The following TASP1 variants were observed in gnomAD, a reference collection of about 807,000 sequenced individuals.
TASP1 encodes threonine aspartase 1.
Under a neutral mutation model 56.6 loss-of-function variants are expected in TASP1, and 16 were observed. The observed-to-expected ratio is 0.28, with a 90% confidence interval of 0.19 to 0.43. The LOEUF (loss-of-function observed/expected upper bound fraction) is 0.43, where lower values mean the gene tolerates loss of function less well. Ranked by LOEUF, TASP1 falls within the 20% of genes least tolerant of loss-of-function variation. The pLI, the probability that TASP1 is intolerant of heterozygous loss-of-function variation, is 1.00. For synonymous variants in TASP1, 179 were observed against 184.2 expected, an observed-to-expected ratio of 0.97 and a Z score of 0.23; for missense variants, 393 against 511.6, an observed-to-expected ratio of 0.77 and a Z score of 2.24.
At chr20:13,127,687 C>T in the TASP1 span, among the ~76,000 whole-genome samples, 2 of 152,134 alleles carry the variant, frequency 1.3e-5, no homozygotes, top group African/African-American at 2.4e-5. Context: ...CCCCTGGGGC[C>T]CTTCTACTGA....
chr20:13,184,262 C>T, the TASP1 span, among the ~76,000 whole-genome samples: 1 of 151,958 alleles, frequency 6.6e-6, no homozygotes, highest in Admixed American at 6.6e-5. Flanking sequence ...TACAAATAAG[C>T]CCAGGTACCT....
the TASP1 span, chr20:13,117,559 A>ACCTCTATT: frequency 1.2e-6 from 2 of 1,612,418 alleles, no homozygotes; most frequent in Admixed American, 3.4e-5. Flanking sequence ...AAGAAGAAAT[A>ACCTCTATT]CAAGGCTTAC....
chr20:13,562,861 C>G (rs2046387676), intron 7 of TASP1, among the ~76,000 whole-genome samples: 1 of 135,898 alleles, frequency 7.4e-6, no homozygotes, highest in Non-Finnish European at 1.6e-5. Flanking sequence ...TGGTCAAGAG[C>G]AAGACCTTGT....
intron 9 of TASP1, among the ~76,000 whole-genome samples, chr20:13,529,947 T>A (rs2045153130): frequency 6.6e-6 from 1 of 152,156 alleles, no homozygotes; most frequent in Non-Finnish European, 1.5e-5. Context: ...TACGGACACT[T>A]CCCATTGGTA....
chr20:13,433,856 A>AAAAAAAAC (rs965025966), intron 12 of TASP1, among the ~76,000 whole-genome samples: 1 of 151,714 alleles, frequency 6.6e-6, no homozygotes, highest in African/African-American at 2.4e-5. Context: ...AAAAAAAAAA[A>AAAAAAAAC]AAAACAGAAG....
At chr20:13,126,339 C>T in the TASP1 span, among the ~76,000 whole-genome samples, 1 of 152,170 alleles carries the variant, frequency 6.6e-6, no homozygotes, top group Non-Finnish European at 1.5e-5. Context: ...TCTGGTTTTG[C>T]CTTAAAGTTC....
At chr20:13,132,753 C>G in the TASP1 span, 3 of 152,244 alleles carry the variant, frequency 2.0e-5, no homozygotes, top group Admixed American at 2.0e-4. Flanking sequence ...AAGACACCAG[C>G]CTCTTTTCAC....
chr20:13,459,678 G>A (rs1186417243), intron 11 of TASP1, among the ~76,000 whole-genome samples: 1 of 151,888 alleles, frequency 6.6e-6, no homozygotes, highest in Non-Finnish European at 1.5e-5. Context: ...CTCCTCCATG[G>A]GAACTCTGCT....
chr20:13,228,571 A>AT, the TASP1 span, among the ~76,000 whole-genome samples: 7 of 151,618 alleles, frequency 4.6e-5, no homozygotes, highest in Admixed American at 2.6e-4. Context: ...TGCTTTTATG[A>AT]TTTTTTTCCT....
At chr20:13,126,507 G>T in the TASP1 span, 5 of 1,517,694 alleles carry the variant, frequency 3.3e-6, no homozygotes, top group Admixed American at 1.9e-5. Flanking sequence ...TTGCTATGAG[G>T]ATAGGGATGG....
intron 6 of TASP1, among the ~76,000 whole-genome samples, chr20:13,577,024 G>T (rs189941861): frequency 9.9e-5 from 15 of 152,204 alleles, no homozygotes; most frequent in African/African-American, 3.4e-4. Context: ...TGTAGCCAAA[G>T]AAAATTAGAG....
the TASP1 span, among the ~76,000 whole-genome samples, chr20:13,336,871 C>T: frequency 6.6e-6 from 1 of 152,120 alleles, no homozygotes; most frequent in Non-Finnish European, 1.5e-5. Flanking sequence ...CCCTGGGCCT[C>T]CCAGTTGGGG....
intron 11 of TASP1, among the ~76,000 whole-genome samples, chr20:13,449,194 T>C (rs528697913): frequency 4.9e-4 from 75 of 152,230 alleles, no homozygotes; most frequent in Admixed American, 1.4e-3. Flanking sequence ...GTATCTTTTA[T>C]GTGGACTTGG....
chr20:13,363,804 C>G, the TASP1 span, among the ~76,000 whole-genome samples: 1 of 152,180 alleles, frequency 6.6e-6, no homozygotes, highest in Non-Finnish European at 1.5e-5. Context: ...GGGGAACCCA[C>G]ACATATCTGA....
Position 13,390,271 on chromosome 20 carries a change from G to T in TASP1, c.*89C>A. The T allele has an allele frequency of 2.5e-6, 3 of 1,205,032 alleles. No homozygotes were observed. The highest frequency in any genetic ancestry group is 2.4e-6 in the Non-Finnish European group (2 of 837,926). The allele number at this position is 1,205,032 out of a possible 1,614,324, so 74.6% of individuals were successfully genotyped here. A position where few individuals can be genotyped will look rare whatever the true frequency, so the allele number is the denominator to read the frequency against. On this transcript the variant is annotated 3_prime_UTR_variant, in exon 14 of 14. Transcript: ENST00000337743. ...GGTTGCAATAGGAATTATAAAACAA[G>T]AAAGATAAAACAACCAACTTCAGTT...
At chr20:13,223,188 A>T in the TASP1 span, among the ~76,000 whole-genome samples, 11 of 147,184 alleles carry the variant, frequency 7.5e-5, no homozygotes, top group African/African-American at 2.3e-4. Context: ...AAAATAAAAT[A>T]AAATAAATAA....
chr20:13,575,166 C>CA (rs2046854132), intron 6 of TASP1, among the ~76,000 whole-genome samples: 1 of 152,062 alleles, frequency 6.6e-6, no homozygotes, highest in Non-Finnish European at 1.5e-5. Flanking sequence ...CTTTGTCAGT[C>CA]AAAAATCAAA....
At chr20:13,599,001 C>G (rs530498798) in intron 4 of TASP1, among the ~76,000 whole-genome samples, 1 of 151,950 alleles carries the variant, frequency 6.6e-6, no homozygotes, top group South Asian at 2.1e-4. Flanking sequence ...CCAATTAGAA[C>G]GGCGATCATT....
At chr20:13,221,412 G>C in the TASP1 span, among the ~76,000 whole-genome samples, 1 of 144,118 alleles carries the variant, frequency 6.9e-6, no homozygotes, top group East Asian at 2.0e-4. Flanking sequence ...CCTGCCAGCA[G>C]GGTGGCCTCC....
Sources: allele counts gnomAD v4.1 joint callset (sites outside exome capture counted in the v4.1 genomes callset), GRCh38; gene constraint gnomAD v4.1.1; transcripts MANE v1.5; gene names NCBI Gene and HGNC (gene_info 2026-07-23, HGNC 2026-07-21).